Variants in TMEM161B observed in about 807,000 individuals in gnomAD.
The protein encoded by TMEM161B is transmembrane protein 161B.
A neutral mutation model predicts 61.8 loss-of-function variants in TMEM161B; 34 were observed. That is an observed-to-expected ratio of 0.55 (90% CI 0.42 to 0.73). The LOEUF (loss-of-function observed/expected upper bound fraction) is 0.73, where lower values mean the gene tolerates loss of function less well. TMEM161B is among the 30% of genes least tolerant of loss of function. The pLI is 0.00. For synonymous variants in TMEM161B, 167 were observed against 192.8 expected, an observed-to-expected ratio of 0.87 and a Z score of 1.11; for missense variants, 456 against 558.5, an observed-to-expected ratio of 0.82 and a Z score of 1.85.
At chr5:88,202,161 C>A (rs1359361326) in intron 9 of TMEM161B, 2 of 453,216 alleles carry the variant, frequency 4.4e-6, no homozygotes, top group Non-Finnish European at 8.9e-6. Context: ...GTTAAATAAC[C>A]TGCCTCAAAT....
chr5:88,220,107 C>T lies in TMEM161B; in HGVS notation c.446+456G>A, dbSNP rs1748641760. Among the ~76,000 whole-genome samples, 5 of 152,108 alleles carry T rather than the reference C, an allele frequency of 3.3e-5. No individual in the cohort carries two copies. The South Asian group carries it at 8.3e-4, about 25-fold the overall frequency. Reference sequence around the variant, plus strand: ...ATTATTTAAGGAAGGTAATAATACACTATAATGCCTGGCTGTAAATAATAT... The same window carrying T: ...ATTATTTAAGGAAGGTAATAATACATTATAATGCCTGGCTGTAAATAATAT... On this transcript the variant is annotated intron_variant, in intron 5 of 11. Coordinates refer to ENST00000296595, the MANE Select transcript of TMEM161B (RefSeq NM_153354.5).
intron 1 of TMEM161B, among the ~76,000 whole-genome samples, chr5:88,260,420 T>C (rs1354223211): frequency 2.6e-5 from 4 of 152,180 alleles, no homozygotes; most frequent in Non-Finnish European, 1.5e-5. Flanking sequence ...CATGTATTTA[T>C]TTTTACTTTT....
intron 11 of TMEM161B, among the ~76,000 whole-genome samples, chr5:88,196,958 T>C (rs186345041): frequency 1.4e-4 from 22 of 152,246 alleles, no homozygotes; most frequent in Non-Finnish European, 2.8e-4. Flanking sequence ...CTACAGTGGA[T>C]AGGATATGAG....
intron 1 of TMEM161B, among the ~76,000 whole-genome samples, chr5:88,245,170 T>A (rs1444780103): frequency 6.6e-6 from 1 of 151,886 alleles, no homozygotes; most frequent in East Asian, 1.9e-4. Flanking sequence ...TATGGTTTTA[T>A]TTGTGGATAT....
intron 2 of TMEM161B, among the ~76,000 whole-genome samples, chr5:88,238,910 T>C (rs780716542): frequency 6.6e-6 from 1 of 151,954 alleles, no homozygotes; most frequent in Non-Finnish European, 1.5e-5. Flanking sequence ...TGAAACTACC[T>C]ATAGCAGAAA....
intron 9 of TMEM161B, chr5:88,201,190 G>GA (rs372164702): frequency 1.3e-5 from 2 of 151,916 alleles, no homozygotes; most frequent in African/African-American, 4.8e-5. Flanking sequence ...ACAAAGGGGG[G>GA]AAAAAGCTAT....
chr5:88,206,974 A>T (rs1329024187), intron 6 of TMEM161B, 55 bp downstream of exon 6: 3 of 1,527,296 alleles, frequency 2.0e-6, no homozygotes, highest in Non-Finnish European at 2.7e-6. Flanking sequence ...TGAAGTCAAA[A>T]ATATTAACAC....
chr5:88,208,187 T>C (rs1361743014), intron 5 of TMEM161B, among the ~76,000 whole-genome samples: 3 of 151,856 alleles, frequency 2.0e-5, no homozygotes. Flanking sequence ...CCGTCTCTAC[T>C]TAAAATACAA....
chr5:88,199,211 A>T, intron 9 of TMEM161B, 61 bp from the exon 10 acceptor site: 2 of 1,490,538 alleles, frequency 1.3e-6, no homozygotes, highest in East Asian at 2.4e-5. Flanking sequence ...CATGCTCGTT[A>T]TATGTTAATG....
chr5:88,191,998 A>ATGTG (rs1290614254), downstream of TMEM161B, among the ~76,000 whole-genome samples: 1 of 78,528 alleles, frequency 1.3e-5, no homozygotes, highest in African/African-American at 6.5e-5. Context: ...ATATATATAT[A>ATGTG]TATATATATA....
rs1561312826 is a variant in TMEM161B, at chr5:88,203,807, ATATATAT to A, written c.801-739_801-733del. On this transcript the variant is annotated intron_variant, in intron 8 of 11. Transcript: ENST00000296595. ...TATATATATATATATATATATATATATATATATAATTTGCATTACTCCTGACAAGGCA... is the reference window on the plus strand; with the variant it reads ...TATATATATATATATATATATATATAAATTTGCATTACTCCTGACAAGGCA... Among the ~76,000 whole-genome samples, 288 of 58,168 alleles carry A rather than the reference ATATATAT, an allele frequency of 5.0e-3. 19 individuals carry two copies. The highest frequency in any genetic ancestry group is 6.3e-3 in the Admixed American group (29 of 4,598). 38.2% of individuals were successfully genotyped at this position (58,168 alleles called of 152,430 possible).
chr5:88,210,332 CAGAT>C (rs1377171974), intron 5 of TMEM161B, among the ~76,000 whole-genome samples: 1 of 152,058 alleles, frequency 6.6e-6, no homozygotes, highest in African/African-American at 2.4e-5. Flanking sequence ...ACAATACAAA[CAGAT>C]AATGATACCA....
intron 5 of TMEM161B, among the ~76,000 whole-genome samples, chr5:88,211,151 A>T (rs1159072130): frequency 6.6e-6 from 1 of 151,730 alleles, no homozygotes; most frequent in Non-Finnish European, 1.5e-5. Flanking sequence ...CACATCTTAT[A>T]AAAAAAATAC....
intron 1 of TMEM161B, 108 bp downstream of exon 1, chr5:88,268,613 G>A: frequency 6.6e-7 from 1 of 1,520,162 alleles, no homozygotes; most frequent in Non-Finnish European, 9.1e-7. Context: ...TCATCCCAAC[G>A]TCTCAACTCC....
chr5:88,215,180 T>C (rs576818044), intron 5 of TMEM161B, among the ~76,000 whole-genome samples: 1 of 152,286 alleles, frequency 6.6e-6, no homozygotes, highest in African/African-American at 2.4e-5. Flanking sequence ...CTGCAGAGAA[T>C]TTCTGAATTA....
chr5:88,198,889 T>C (rs1750168320), intron 10 of TMEM161B, 87 bp downstream of exon 10: 1 of 1,110,500 alleles, frequency 9.0e-7, no homozygotes, highest in Admixed American at 2.6e-5. Context: ...TGGGTTGAAA[T>C]ACTATCTACT....
chr5:88,189,604 G>C (rs6878356), downstream of TMEM161B: 2,897 of 155,880 alleles, frequency 0.019, 76 homozygotes, highest in African/African-American at 0.065. Flanking sequence ...AGGGTGAACT[G>C]GGGAGAATAA....
chr5:88,232,459 G>A (rs1233312415), intron 2 of TMEM161B, among the ~76,000 whole-genome samples: 1 of 152,140 alleles, frequency 6.6e-6, no homozygotes, highest in African/African-American at 2.4e-5. Flanking sequence ...CATGTATAAA[G>A]ACTAAAATTA....
chr5:88,221,407 G>A (rs1424044377), intron 4 of TMEM161B: 1 of 193,158 alleles, frequency 5.2e-6, no homozygotes, highest in East Asian at 1.3e-4. Context: ...GCCGAGGCAG[G>A]AGAATAGCTT....
Sources: gnomAD v4.1 joint callset for allele counts (sites outside exome capture counted in the v4.1 genomes callset) on GRCh38, gnomAD v4.1.1 for gene constraint, MANE v1.5 for transcripts, NCBI Gene and HGNC (gene_info 2026-07-23, HGNC 2026-07-21) for gene names.